The following FBXL13 variants were observed in gnomAD, a reference collection of about 807,000 sequenced individuals.
The protein encoded by FBXL13 is F-box and leucine-rich repeat protein 13.
Under a neutral mutation model 83.6 loss-of-function variants are expected in FBXL13, and 67 were observed. The observed-to-expected ratio is 0.80, with a 90% CI of 0.66 to 0.98. The LOEUF is 0.98. FBXL13 is among the 50% of genes least tolerant of loss of function. The pLI is 0.00. For synonymous variants in FBXL13, 272 were observed against 299.5 expected, an observed-to-expected ratio of 0.91 and a Z score of 0.95; for missense variants, 822 against 866.5, an observed-to-expected ratio of 0.95 and a Z score of 0.64.
chr7:103,011,833 G>A (rs1791662408), intron 6 of FBXL13, among the ~76,000 whole-genome samples: 1 of 152,054 alleles, frequency 6.6e-6, no homozygotes, highest in Non-Finnish European at 1.5e-5. Context: ...AAACCTCCAA[G>A]AAATATGGGA....
rs1008351937 is a variant in FBXL13 at position 103,055,086 on chromosome 7, A to T, written c.-1+558T>A. 1 of 1,273,820 alleles carries T rather than the reference A, an allele frequency of 7.9e-7. No homozygotes were observed. The highest frequency in any genetic ancestry group is 1.5e-5 in the African/African-American group (1 of 65,380). The allele number at this position is 1,273,820 out of a possible 1,614,324, so 78.9% of individuals were successfully genotyped here. A position where few individuals can be genotyped will look rare whatever the true frequency, so the allele number is the denominator to read the frequency against. ...TGCGTATTCTTGATTACTAATAATT[A>T]CCAGCTGATCATCCAATTCAAAAAG... is the stretch of plus-strand genomic sequence containing the variant. On this transcript the variant is annotated intron_variant, in intron 2 of 19. Coordinates refer to ENST00000313221, the Ensembl canonical transcript of FBXL13.
intron 8 of FBXL13, among the ~76,000 whole-genome samples, chr7:102,956,183 C>A (rs1436704191): frequency 1.3e-5 from 2 of 152,090 alleles, no homozygotes; most frequent in African/African-American, 2.4e-5. Context: ...AGCTTATCCA[C>A]CACAATCAAG....
At chr7:102,917,236 G>A (rs1247457795) in intron 10 of FBXL13, among the ~76,000 whole-genome samples, 1 of 152,142 alleles carries the variant, frequency 6.6e-6, no homozygotes, top group Non-Finnish European at 1.5e-5. Context: ...GCCCCACTTT[G>A]ATAGGCACTG....
At chr7:102,962,724 T>C (rs951609866) in intron 8 of FBXL13, among the ~76,000 whole-genome samples, 5 of 151,384 alleles carry the variant, frequency 3.3e-5, no homozygotes, top group Admixed American at 2.0e-4. Context: ...CAGTAAACTA[T>C]TGCAAGAACA....
rs1794195629 is a variant in FBXL13, at chr7:103,028,697, T to G, written c.120A>C (p.Lys40Asn). 3 of 1,601,860 alleles carry G rather than the reference T, an allele frequency of 1.9e-6. No individual in the cohort carries two copies. The African/African-American group carries it at 4.0e-5, about 22-fold the overall frequency. The change falls in exon 4 of 20, where the codon AAA becomes AAC. Residue 40 changes from lysine to asparagine, a missense_variant. Lys to Asn is a moderately conservative substitution (Grantham distance 94, BLOSUM62 0). Transcript: ENST00000313221. ...TGTAGCATGTCACTGCTCTGTTCAT[T>G]TTTTCAGCCAGGACGACATTTTCAT...
intron 6 of FBXL13, among the ~76,000 whole-genome samples, chr7:103,021,118 C>T (rs1793112982): frequency 6.6e-6 from 1 of 152,208 alleles, no homozygotes; most frequent in African/African-American, 2.4e-5. Flanking sequence ...CAGCATGGTA[C>T]TGGTACCAAA....
intron 6 of FBXL13, among the ~76,000 whole-genome samples, chr7:102,981,712 A>G (rs547315031): frequency 6.6e-6 from 1 of 152,318 alleles, no homozygotes; most frequent in African/African-American, 2.4e-5. Flanking sequence ...ACATGGCAGT[A>G]GGACCAAGGA....
chr7:102,924,104 G>A (rs1453301826), intron 10 of FBXL13, among the ~76,000 whole-genome samples: 1 of 151,962 alleles, frequency 6.6e-6, no homozygotes, highest in East Asian at 2.0e-4. Context: ...CGGGTGTGGT[G>A]GCACATGCCT....
At chr7:102,915,821 A>G (rs1490699307) in intron 10 of FBXL13, among the ~76,000 whole-genome samples, 3 of 152,182 alleles carry the variant, frequency 2.0e-5, no homozygotes, top group Non-Finnish European at 2.9e-5. Context: ...AACTGCTGTG[A>G]TTGTGAACTA....
intron 18 of FBXL13, among the ~76,000 whole-genome samples, chr7:102,826,567 A>G (rs1799651194): frequency 6.6e-6 from 1 of 150,548 alleles, no homozygotes; most frequent in South Asian, 2.1e-4. Flanking sequence ...GAAACCCCAT[A>G]TCTACAAAAA....
chr7:102,962,447 T>C (rs1341913889), intron 8 of FBXL13, among the ~76,000 whole-genome samples: 1 of 152,144 alleles, frequency 6.6e-6, no homozygotes, highest in Non-Finnish European at 1.5e-5. Context: ...GATCTAGAAC[T>C]GGAAATACCA....
chr7:102,981,616 G>A (rs1194244022), intron 6 of FBXL13, among the ~76,000 whole-genome samples: 1 of 152,154 alleles, frequency 6.6e-6, no homozygotes, highest in Non-Finnish European at 1.5e-5. Context: ...CTAGTGGCTG[G>A]AGGCCTAAGA....
intron 8 of FBXL13, among the ~76,000 whole-genome samples, chr7:102,940,904 T>C (rs567747721): frequency 3.3e-5 from 5 of 152,370 alleles, no homozygotes; most frequent in South Asian, 2.1e-4. Flanking sequence ...TTATTAATAA[T>C]GTAATGTAAT....
At chr7:103,046,095 G>A (rs773961452) in intron 2 of FBXL13, among the ~76,000 whole-genome samples, 5 of 152,006 alleles carry the variant, frequency 3.3e-5, no homozygotes, top group Non-Finnish European at 5.9e-5. Flanking sequence ...CCCATAAACC[G>A]AACCACCTAA....
downstream of FBXL13, among the ~76,000 whole-genome samples, chr7:102,811,714 T>C (rs1284724499): frequency 6.6e-6 from 1 of 152,224 alleles, no homozygotes; most frequent in African/African-American, 2.4e-5. Context: ...GATCAGATTT[T>C]TGAAAACATC....
At chr7:102,998,753 G>A (rs1278306233) in intron 6 of FBXL13, among the ~76,000 whole-genome samples, 1 of 151,842 alleles carries the variant, frequency 6.6e-6, no homozygotes, top group Non-Finnish European at 1.5e-5. Flanking sequence ...GATTGTTTGA[G>A]CCCAGGAATT....
chr7:102,862,290 C>T (rs1806977749), intron 16 of FBXL13, among the ~76,000 whole-genome samples: 1 of 146,362 alleles, frequency 6.8e-6, no homozygotes, highest in Non-Finnish European at 1.5e-5. Context: ...GATTGCACTA[C>T]TGTACTCCAG....
chr7:102,944,734 T>A, intron 8 of FBXL13: 1 of 787,692 alleles, frequency 1.3e-6, no homozygotes, highest in Non-Finnish European at 2.0e-6. Flanking sequence ...AAGCTTTCTT[T>A]AATTATAAGT....
chr7:102,873,262 A>G (rs1197112474), intron 16 of FBXL13, among the ~76,000 whole-genome samples: 2 of 152,182 alleles, frequency 1.3e-5, no homozygotes, highest in African/African-American at 4.8e-5. Context: ...AATCAAACTA[A>G]ACATGTTCGT....
Sources: gnomAD v4.1 joint callset for allele counts (sites outside exome capture counted in the v4.1 genomes callset) on GRCh38, gnomAD v4.1.1 for gene constraint, MANE v1.5 for transcripts, NCBI Gene and HGNC (gene_info 2026-07-23, HGNC 2026-07-21) for gene names.